IGSF11: variants seen among roughly 807,000 people sequenced by gnomAD.
IGSF11 encodes the protein immunoglobulin superfamily member 11.
Under a neutral mutation model 41.0 loss-of-function variants are expected in IGSF11, and 22 were observed. That is an observed-to-expected ratio of 0.54 (90% CI 0.38 to 0.77). The LOEUF (loss-of-function observed/expected upper bound fraction) is 0.77, where lower values mean the gene tolerates loss of function less well. Among genes scored for constraint, IGSF11 ranks in the 30% least tolerant of loss-of-function variants. IGSF11 has a pLI of 0.00. For synonymous variants in IGSF11, 219 were observed against 201.3 expected, an observed-to-expected ratio of 1.09 and a Z score of -0.74; for missense variants, 444 against 530.8, an observed-to-expected ratio of 0.84 and a Z score of 1.61.
At chr3:118,928,328 A>T (rs1252784886) in intron 3 of IGSF11, among the ~76,000 whole-genome samples, 181 bp downstream of exon 3, 1 of 152,196 alleles carries the variant, frequency 6.6e-6, no homozygotes, top group African/African-American at 2.4e-5. Flanking sequence ...GCCGGAAATG[A>T]AGAAAGGAGG....
At chr3:118,920,357 T>C (rs891323233) in intron 4 of IGSF11, among the ~76,000 whole-genome samples, 2 of 150,092 alleles carry the variant, frequency 1.3e-5, no homozygotes, top group Admixed American at 6.6e-5. Flanking sequence ...AATAAATAAA[T>C]AAATAAATAG....
At chr3:118,923,827 C>A (rs953589416) in intron 4 of IGSF11, among the ~76,000 whole-genome samples, 12 of 152,120 alleles carry the variant, frequency 7.9e-5, no homozygotes, top group Non-Finnish European at 1.6e-4. Flanking sequence ...AATGATGTGT[C>A]CTTCTCAGTA....
rs1449451503 is a variant in IGSF11 at position 119,058,653 on chromosome 3, T to C, written c.49+46491A>G. ...GTACCCAAAGGATTATAAATCATGC[T>C]GCTATAAAGACATATGCACATGTAT... On this transcript the variant is annotated intron_variant, in intron 1 of 6. Coordinates refer to the IGSF11 transcript ENST00000354673. Among the ~76,000 whole-genome samples, 3 of 152,246 alleles carry C rather than the reference T, an allele frequency of 2.0e-5. No individual in the cohort carries two copies. The East Asian group carries it at 5.8e-4, about 29-fold the overall frequency.
At chr3:119,028,933 T>G (rs1169545479) in intron 1 of IGSF11, among the ~76,000 whole-genome samples, 2 of 152,136 alleles carry the variant, frequency 1.3e-5, no homozygotes, top group Non-Finnish European at 2.9e-5. Context: ...TTCTGGTTTT[T>G]GGGGATGGTA....
intron 1 of IGSF11, chr3:119,112,889 G>A (rs975923469): frequency 3.3e-5 from 5 of 152,382 alleles, no homozygotes; most frequent in African/African-American, 1.2e-4. Context: ...AGTTCTGCAG[G>A]ATGTACAGAA....
At chr3:118,917,078 T>C (rs929824991) in intron 4 of IGSF11, among the ~76,000 whole-genome samples, 2 of 152,104 alleles carry the variant, frequency 1.3e-5, no homozygotes, top group African/African-American at 4.8e-5. Context: ...AGACACAACA[T>C]AGCAGAATCT....
chr3:119,015,748 T>TAA lies in IGSF11; in HGVS notation c.52+18781_52+18782dup, dbSNP rs11320585. Among the ~76,000 whole-genome samples, 976 of 142,406 alleles carry TAA rather than the reference T, an allele frequency of 6.9e-3. 8 individuals carry two copies. Among genetic ancestry groups the TAA allele is most frequent in the African/African-American group, 0.022 (867 of 39,072 alleles). The allele number at this position is 142,406 out of a possible 152,430, so 93.4% of individuals were successfully genotyped here. On this transcript the variant is annotated intron_variant, in intron 1 of 6. Coordinates refer to ENST00000393775, the MANE Select transcript of IGSF11 (RefSeq NM_001015887.3). Reference sequence around the variant, plus strand: ...ATATTTACCAAATATGAATAAATGCTAAAAAAAAAAAAACTGTTTTATAAT... The same window carrying TAA: ...ATATTTACCAAATATGAATAAATGCTAAAAAAAAAAAAAAACTGTTTTATAAT...
Position 118,901,650 on chromosome 3 carries a change from C to T in IGSF11, c.*870G>A, listed in dbSNP as rs1242604656. The T allele has an allele frequency of 1.3e-5, 2 of 151,636 alleles. No individual in the cohort carries two copies. Among genetic ancestry groups the T allele is most frequent in the Admixed American group, 6.6e-5 (1 of 15,226 alleles). The allele number at this position is 151,636 out of a possible 1,614,324, so 9.4% of individuals were successfully genotyped here. On this transcript the variant is annotated 3_prime_UTR_variant, in exon 7 of 7. Transcript: ENST00000393775. ...TCCTGCCCACACAACCTAGCTCGGT[C>T]ATGATATGATGGACCTCTATGAGCT...
chr3:118,974,495 A>G (rs1165368174), intron 1 of IGSF11, among the ~76,000 whole-genome samples: 2 of 152,228 alleles, frequency 1.3e-5, no homozygotes, highest in African/African-American at 4.8e-5. Context: ...AGCCTCTTCC[A>G]GGATTTGGAA....
chr3:118,917,748 C>G (rs1365231542), intron 4 of IGSF11, among the ~76,000 whole-genome samples: 1 of 150,224 alleles, frequency 6.7e-6, no homozygotes, highest in Non-Finnish European at 1.5e-5. Flanking sequence ...TCCTCCCTAA[C>G]TCATTTTATG....
intron 1 of IGSF11, among the ~76,000 whole-genome samples, chr3:118,934,181 T>A (rs913922694): frequency 1.3e-5 from 2 of 152,198 alleles, no homozygotes; most frequent in African/African-American, 4.8e-5. Flanking sequence ...TGCTCCATAG[T>A]CTTCAATCTA....
intron 1 of IGSF11, among the ~76,000 whole-genome samples, chr3:119,129,859 C>T (rs1178868814): frequency 2.0e-5 from 3 of 151,998 alleles, no homozygotes; most frequent in Non-Finnish European, 4.4e-5. Context: ...GTGGCAAATG[C>T]CTGTAGGCCC....
rs187254684 is a variant in IGSF11 at position 119,043,029 on chromosome 3, T to A, written c.49+62115A>T. Among the ~76,000 whole-genome samples, 8 of 152,228 alleles carry A rather than the reference T, an allele frequency of 5.3e-5. No homozygotes were observed. In the East Asian group the frequency reaches 1.5e-3, roughly 29 times the overall value. ...GGGAATGGAATCTTGGCTCATGTGGTGAGTGTTATAGCTCTATTAGAAGCT... is the reference window on the plus strand; with the variant it reads ...GGGAATGGAATCTTGGCTCATGTGGAGAGTGTTATAGCTCTATTAGAAGCT... On this transcript the variant is annotated intron_variant, in intron 1 of 6. Transcript: ENST00000354673.
At chr3:119,107,634 T>C (rs2077058013), upstream of IGSF11, among the ~76,000 whole-genome samples, 1 of 152,190 alleles carries the variant, frequency 6.6e-6, no homozygotes, top group South Asian at 2.1e-4. Context: ...GCCATTGCTT[T>C]TGGTGTTTTA....
At chr3:119,123,753 G>C (rs2077363969) in intron 1 of IGSF11, among the ~76,000 whole-genome samples, 1 of 152,210 alleles carries the variant, frequency 6.6e-6, no homozygotes, top group Non-Finnish European at 1.5e-5. Flanking sequence ...CGTTATCCAA[G>C]ACTGCCAAGG....
At chr3:118,974,184 T>G (rs1355026609) in intron 1 of IGSF11, among the ~76,000 whole-genome samples, 2 of 152,140 alleles carry the variant, frequency 1.3e-5, no homozygotes, top group East Asian at 3.9e-4. Context: ...TGGGTTGGTC[T>G]CTCTTCAGGT....
intron 1 of IGSF11, among the ~76,000 whole-genome samples, chr3:119,031,413 CA>C (rs1457659225): frequency 6.6e-6 from 1 of 152,174 alleles, no homozygotes; most frequent in Non-Finnish European, 1.5e-5. Context: ...TTTGCACCAG[CA>C]CATCACCTTG....
chr3:119,122,701 G>A (rs1452645924), intron 1 of IGSF11, among the ~76,000 whole-genome samples: 3 of 152,176 alleles, frequency 2.0e-5, no homozygotes, highest in African/African-American at 4.8e-5. Context: ...GCTCAGACAC[G>A]AGGATGGGGC....
At chr3:118,935,989 C>A (rs1943241770) in intron 1 of IGSF11, among the ~76,000 whole-genome samples, 1 of 151,914 alleles carries the variant, frequency 6.6e-6, no homozygotes, top group African/African-American at 2.4e-5. Flanking sequence ...TCTCATGGTT[C>A]CTCTTTAGTA....
Sources: gnomAD v4.1 joint callset for allele counts (sites outside exome capture counted in the v4.1 genomes callset) on GRCh38, gnomAD v4.1.1 for gene constraint, MANE v1.5 for transcripts, NCBI Gene and HGNC (gene_info 2026-07-23, HGNC 2026-07-21) for gene names.